SPPL3: variants seen among roughly 807,000 people sequenced by gnomAD.
The protein encoded by SPPL3 is signal peptide peptidase-like 3.
Under a neutral mutation model 42.4 loss-of-function variants are expected in SPPL3, and 5 were observed. The observed-to-expected ratio is 0.12, with a 90% CI of 0.06 to 0.25. The LOEUF (loss-of-function observed/expected upper bound fraction) is 0.25, where lower values mean the gene tolerates loss of function less well. SPPL3 is among the 10% of genes least tolerant of loss of function. The probability of loss-of-function intolerance (pLI) is 1.00; values close to 1 mark genes in which losing one functional copy is unlikely to be tolerated. For missense variants in SPPL3, 235 were observed against 489.0 expected (o/e 0.48, Z 4.90); for synonymous variants, 195 against 181.8 (o/e 1.07, Z -0.58).
chr12:120,900,812 C>T (rs983021130), intron 1 of SPPL3, among the ~76,000 whole-genome samples: 2 of 151,558 alleles, frequency 1.3e-5, no homozygotes, highest in African/African-American at 4.9e-5. Flanking sequence ...GTCCCAGCCA[C>T]CTGCAGGGCT....
At chr12:120,869,957 C>G (rs968140313) in intron 1 of SPPL3, among the ~76,000 whole-genome samples, 9 of 152,202 alleles carry the variant, frequency 5.9e-5, no homozygotes, top group Non-Finnish European at 1.0e-4. Context: ...CTCACACTAG[C>G]ATGTTGTCCA....
intron 1 of SPPL3, among the ~76,000 whole-genome samples, chr12:120,857,015 CAA>C (rs1872483246): frequency 6.6e-6 from 1 of 152,054 alleles, no homozygotes; most frequent in Non-Finnish European, 1.5e-5. Context: ...TCTTTCAGGA[CAA>C]AGTCTTGTAC....
intron 6 of SPPL3, among the ~76,000 whole-genome samples, chr12:120,774,167 T>G (rs890245686): frequency 6.6e-6 from 1 of 152,236 alleles, no homozygotes; most frequent in African/African-American, 2.4e-5. Context: ...CCTCTCATCA[T>G]ACACATGAAA....
At chr12:120,767,630 C>G in intron 8 of SPPL3, 37 bp from the exon 9 acceptor site, 1 of 1,603,260 alleles carries the variant, frequency 6.2e-7, no homozygotes, top group Non-Finnish European at 8.5e-7. Flanking sequence ...ACGTCACACT[C>G]TACAATCCAG....
At chr12:120,805,335 ATTCATGATAAAACTCTCC>A (rs925688110) in intron 2 of SPPL3, among the ~76,000 whole-genome samples, 2 of 152,218 alleles carry the variant, frequency 1.3e-5, no homozygotes, top group Non-Finnish European at 2.9e-5. Context: ...TCCAATACCC[ATTCATGATAAAACTCTCC>A]ACAAACTAGA....
chr12:120,784,698 T>A, intron 3 of SPPL3, 105 bp from the exon 4 acceptor site: 7 of 796,488 alleles, frequency 8.8e-6, no homozygotes, highest in Non-Finnish European at 1.4e-5. Context: ...TTCTACGGAT[T>A]ATACGTAGGA....
In SPPL3 at chr12:120,903,512, G is replaced by C. The variant is rs1593020120; in HGVS notation, c.23+333C>G. 4 of 353,846 alleles carry C rather than the reference G, an allele frequency of 1.1e-5. No individual in the cohort carries two copies. In the South Asian group the frequency reaches 1.3e-4, roughly 12 times the overall value. The allele number at this position is 353,846 out of a possible 1,614,324, so 21.9% of individuals were successfully genotyped here. ...GGAAACACCCCCACGAGTCAGTTCC[G>C]GGGTGCCTGTCGGATTCAACTTCCC... On this transcript the variant is annotated intron_variant, in intron 1 of 10. Transcript: ENST00000353487.
At chr12:120,838,656 A>G (rs189542443) in intron 1 of SPPL3, among the ~76,000 whole-genome samples, 4 of 152,374 alleles carry the variant, frequency 2.6e-5, no homozygotes, top group Non-Finnish European at 5.9e-5. Context: ...AGAGTAATCA[A>G]GGACCATATG....
At chr12:120,817,158 G>A (rs960972085) in intron 1 of SPPL3, among the ~76,000 whole-genome samples, 1 of 151,780 alleles carries the variant, frequency 6.6e-6, no homozygotes, top group Non-Finnish European at 1.5e-5. Context: ...AGCCAGGCAC[G>A]GTGGGGCGCG....
At chr12:120,879,235 C>T (rs1169591414) in intron 1 of SPPL3, among the ~76,000 whole-genome samples, 1 of 151,636 alleles carries the variant, frequency 6.6e-6, no homozygotes, top group African/African-American at 2.4e-5. Context: ...TCTGGAAAAG[C>T]ACATTACTTT....
In SPPL3 at chr12:120,885,931, C is replaced by T. The variant is rs149036551; in HGVS notation, c.23+17914G>A. Reference sequence around the variant, plus strand: ...GTGCAATGGCGCGATTTCAGCTCACCGCAACCTCCACCTCCTGGGTTCAAG... The same window carrying T: ...GTGCAATGGCGCGATTTCAGCTCACTGCAACCTCCACCTCCTGGGTTCAAG... On this transcript the variant is annotated intron_variant, in intron 1 of 10. Coordinates refer to ENST00000353487, the MANE Select transcript of SPPL3 (RefSeq NM_139015.5). Among the ~76,000 whole-genome samples the T allele has an allele frequency of 4.0e-5, 6 of 150,044 alleles. No homozygotes were observed. In the East Asian group the frequency reaches 7.8e-4, roughly 19 times the overall value.
chr12:120,889,441 T>C (rs78107277), intron 1 of SPPL3, among the ~76,000 whole-genome samples: 58 of 152,364 alleles, frequency 3.8e-4, no homozygotes, highest in African/African-American at 1.3e-3. Context: ...GCCAAAAGAA[T>C]GGAGCAGAAA....
intron 1 of SPPL3, among the ~76,000 whole-genome samples, chr12:120,816,435 G>C (rs1202923166): frequency 6.6e-6 from 1 of 152,192 alleles, no homozygotes; most frequent in Non-Finnish European, 1.5e-5. Flanking sequence ...CACATAACTA[G>C]AAGTTATAGA....
intron 1 of SPPL3, among the ~76,000 whole-genome samples, chr12:120,839,176 C>T (rs1871721248): frequency 6.6e-6 from 1 of 150,982 alleles, no homozygotes. Flanking sequence ...TACTATGCAG[C>T]CATAAAAAAT....
chr12:120,871,130 C>CAAAAAAAAAAAAAAAAAAAAAAAAAAAAA lies in SPPL3; in HGVS notation c.23+32714_23+32715insTTTTTTTTTTTTTTTTTTTTTTTTTTTTT, dbSNP rs71453512. The stretch of plus-strand genomic sequence containing the variant: ...GGGCGACAGAGTGAGACTCCGTCTC[C>CAAAAAAAAAAAAAAAAAAAAAAAAAAAAA]AAAAAAAAAAAAAAAAAAAGAAAAA... On this transcript the variant is annotated intron_variant, in intron 1 of 10. Coordinates refer to ENST00000353487, the MANE Select transcript of SPPL3 (RefSeq NM_139015.5). 3.9e-4 allele frequency among the ~76,000 whole-genome samples: 20 copies of CAAAAAAAAAAAAAAAAAAAAAAAAAAAAA among 51,708 alleles called. 1 individual carries two copies. The highest frequency in any genetic ancestry group is 5.1e-4 in the Non-Finnish European group (14 of 27,570). 33.9% of individuals were successfully genotyped at this position (51,708 alleles called of 152,430 possible). A position where few individuals can be genotyped will look rare whatever the true frequency, so the allele number is the denominator to read the frequency against.
intron 1 of SPPL3, among the ~76,000 whole-genome samples, chr12:120,838,774 C>A (rs572880280): frequency 3.3e-5 from 5 of 152,218 alleles, no homozygotes; most frequent in African/African-American, 9.6e-5. Context: ...TCATCACTGG[C>A]CATCAGAGAG....
At position 120,811,170 on chromosome 12, in the gene SPPL3, C is replaced by T. The variant is rs139245697; in HGVS notation, c.24-284G>A. 278 of 233,306 alleles carry T rather than the reference C, an allele frequency of 1.2e-3. 2 individuals carry two copies. Among genetic ancestry groups the T allele is most frequent in the African/African-American group, 6.0e-3 (266 of 44,026 alleles). 14.5% of individuals were successfully genotyped at this position (233,306 alleles called of 1,614,324 possible). ...TCTGTATATGTTTACAACATCCACC[C>T]CCAATTTAAAAAGTATCAAAATATC... On this transcript the variant is annotated intron_variant, in intron 1 of 10. Transcript: ENST00000353487.
intron 4 of SPPL3, among the ~76,000 whole-genome samples, 200 bp from the exon 5 acceptor site, chr12:120,783,952 G>A (rs922548388): frequency 6.6e-6 from 1 of 152,048 alleles, no homozygotes; most frequent in Non-Finnish European, 1.5e-5. Flanking sequence ...GAAAGCATAG[G>A]TAAGTTTCCT....
intron 2 of SPPL3, among the ~76,000 whole-genome samples, chr12:120,792,739 A>G (rs963732691): frequency 1.3e-5 from 2 of 151,508 alleles, no homozygotes; most frequent in African/African-American, 4.9e-5. Flanking sequence ...TTGCAAAAGA[A>G]CTTTCTGTTA....
Sources: gnomAD v4.1 joint callset for allele counts (sites outside exome capture counted in the v4.1 genomes callset) on GRCh38, gnomAD v4.1.1 for gene constraint, MANE v1.5 for transcripts, NCBI Gene and HGNC (gene_info 2026-07-23, HGNC 2026-07-21) for gene names.